Variants in C12orf42 observed in about 807,000 individuals in gnomAD.
C12orf42 encodes the protein chromosome 12 open reading frame 42.
In C12orf42, 25 loss-of-function variants were observed where a neutral mutation model predicts 21.6. That is an observed-to-expected ratio of 1.16 (90% CI 0.84 to 1.62). The LOEUF (loss-of-function observed/expected upper bound fraction) is 1.62, where lower values mean the gene tolerates loss of function less well. Ranked by LOEUF, C12orf42 falls within the 40% of genes most tolerant of loss-of-function variation. C12orf42 has a pLI of 0.00. For missense variants in C12orf42, 483 were observed against 459.3 expected, an observed-to-expected ratio of 1.05 and a Z score of -0.47; for synonymous variants, 174 against 175.0, an observed-to-expected ratio of 0.99 and a Z score of 0.05.
intron 3 of C12orf42, among the ~76,000 whole-genome samples, chr12:103,382,443 G>GA (rs1331459004): frequency 6.6e-6 from 1 of 152,162 alleles, no homozygotes; most frequent in Non-Finnish European, 1.5e-5. Flanking sequence ...ACACAAAGCA[G>GA]AAAAAAGTAG....
At chr12:103,467,036 G>A (rs909657513) in intron 2 of C12orf42, among the ~76,000 whole-genome samples, 5 of 152,172 alleles carry the variant, frequency 3.3e-5, no homozygotes, top group Non-Finnish European at 7.3e-5. Flanking sequence ...GACATGTGAG[G>A]GAGCCATGAG....
chr12:103,201,441 C>T, the C12orf42 span, among the ~76,000 whole-genome samples: 2 of 151,868 alleles, frequency 1.3e-5, no homozygotes, highest in Non-Finnish European at 2.9e-5. Context: ...AATCACAATG[C>T]GATCAAGAAA....
At chr12:103,532,772 A>G in the C12orf42 span, among the ~76,000 whole-genome samples, 1 of 152,184 alleles carries the variant, frequency 6.6e-6, no homozygotes, top group African/African-American at 2.4e-5. Flanking sequence ...TATGTGACCT[A>G]CTAACTGTAT....
downstream of C12orf42, among the ~76,000 whole-genome samples, chr12:103,267,318 A>G (rs2136242325): frequency 6.6e-6 from 1 of 152,244 alleles, no homozygotes; most frequent in East Asian, 1.9e-4. Context: ...GACCCTACAT[A>G]TCCGACAAAT....
chr12:103,085,185 A>AT, the C12orf42 span, among the ~76,000 whole-genome samples: 2 of 152,174 alleles, frequency 1.3e-5, no homozygotes, highest in African/African-American at 4.8e-5. Flanking sequence ...AAATAGATAC[A>AT]TTTTTGGCAA....
At chr12:103,174,546 T>A in the C12orf42 span, among the ~76,000 whole-genome samples, 1 of 148,434 alleles carries the variant, frequency 6.7e-6, no homozygotes, top group Admixed American at 6.7e-5. Context: ...TGTTAGGTAA[T>A]AGAGATAGGA....
chr12:103,560,482 G>A, the C12orf42 span, among the ~76,000 whole-genome samples: 2 of 32,304 alleles, frequency 6.2e-5, no homozygotes, highest in Non-Finnish European at 1.6e-4. Context: ...CTTAATCTGG[G>A]GATAATGTAA....
chr12:103,474,576 AC>A (rs202192357), intron 2 of C12orf42, among the ~76,000 whole-genome samples: 1,952 of 152,252 alleles, frequency 0.013, 20 homozygotes, highest in Middle Eastern at 0.041. Context: ...TTTCTAAAGA[AC>A]CATGATAAGT....
At chr12:103,092,038 A>G in the C12orf42 span, among the ~76,000 whole-genome samples, 1 of 152,080 alleles carries the variant, frequency 6.6e-6, no homozygotes, top group Non-Finnish European at 1.5e-5. Flanking sequence ...ATATGGGGAA[A>G]AGCAGATTTT....
intron 4 of C12orf42, among the ~76,000 whole-genome samples, chr12:103,283,687 A>T (rs534492999): frequency 5.3e-5 from 8 of 152,228 alleles, no homozygotes; most frequent in African/African-American, 1.4e-4. Flanking sequence ...TTCTCCTATT[A>T]TGCTTTCTGA....
the C12orf42 span, among the ~76,000 whole-genome samples, chr12:103,533,011 G>A: frequency 6.6e-6 from 1 of 152,150 alleles, no homozygotes; most frequent in Admixed American, 6.5e-5. Flanking sequence ...TTCACCCTAC[G>A]GTTCAGTCCT....
At chr12:103,229,549 G>A in the C12orf42 span, among the ~76,000 whole-genome samples, 10 of 152,140 alleles carry the variant, frequency 6.6e-5, no homozygotes, top group Non-Finnish European at 1.5e-4. Flanking sequence ...TTACCATTTT[G>A]TGTGAAAAGA....
At chr12:103,302,621 A>C (rs1593340236) in intron 5 of C12orf42, 62 bp from the exon 6 acceptor site, 1 of 1,382,434 alleles carries the variant, frequency 7.2e-7, no homozygotes, top group Non-Finnish European at 9.7e-7. Context: ...ACCACACCGC[A>C]CCCCCGCGAC....
At chr12:103,157,752 C>A in the C12orf42 span, among the ~76,000 whole-genome samples, 1 of 152,138 alleles carries the variant, frequency 6.6e-6, no homozygotes, top group Non-Finnish European at 1.5e-5. Context: ...TTGTTTTTGG[C>A]AGGTTTGTAG....
chr12:103,355,439 G>A (rs530967454), intron 4 of C12orf42, among the ~76,000 whole-genome samples: 15 of 152,092 alleles, frequency 9.9e-5, no homozygotes, highest in African/African-American at 3.4e-4. Flanking sequence ...CATTTTGGCT[G>A]GTCATTGACC....
chr12:103,499,939 A>G (rs1203760993), upstream of C12orf42, among the ~76,000 whole-genome samples: 1 of 152,248 alleles, frequency 6.6e-6, no homozygotes, highest in African/African-American at 2.4e-5. Flanking sequence ...GATCAGTAAC[A>G]TTCATAGTGA....
chr12:103,069,155 C>T, the C12orf42 span, among the ~76,000 whole-genome samples: 47 of 151,092 alleles, frequency 3.1e-4, no homozygotes, highest in African/African-American at 1.1e-3. Flanking sequence ...CTGCTCTTAA[C>T]CCATCAGTTG....
At chr12:103,169,576 C>G in the C12orf42 span, among the ~76,000 whole-genome samples, 1 of 152,062 alleles carries the variant, frequency 6.6e-6, no homozygotes, top group Non-Finnish European at 1.5e-5. Context: ...GAAAACCCAC[C>G]TCCAGTGTCA....
chr12:103,454,322 A>G (rs192814124), intron 2 of C12orf42, among the ~76,000 whole-genome samples: 76 of 152,240 alleles, frequency 5.0e-4, no homozygotes, highest in African/African-American at 1.6e-3. Flanking sequence ...TGAAAACCTC[A>G]TTTCAGAATT....
Sources: gnomAD v4.1 joint callset for allele counts (sites outside exome capture counted in the v4.1 genomes callset) on GRCh38, gnomAD v4.1.1 for gene constraint, MANE v1.5 for transcripts, NCBI Gene and HGNC (gene_info 2026-07-23, HGNC 2026-07-21) for gene names.